Variants in COBLL1 observed in about 807,000 individuals in gnomAD.
COBLL1 encodes the protein cordon-bleu WH2 repeat protein like 1.
Under a neutral mutation model 94.8 loss-of-function variants are expected in COBLL1, and 50 were observed. The ratio of observed to expected loss-of-function variants is 0.53; its 90% CI spans 0.42 to 0.67. The LOEUF (loss-of-function observed/expected upper bound fraction) is 0.67. Among genes scored for constraint, COBLL1 ranks in the 30% least tolerant of loss-of-function variants. COBLL1 has a pLI of 0.00. For missense variants in COBLL1, 1,362 were observed against 1,348.7 expected (o/e 1.01, Z -0.15); for synonymous variants, 448 against 473.8 (o/e 0.95, Z 0.71).
chr2:164,659,853 T>G (rs1053372358), intron 2 of COBLL1, among the ~76,000 whole-genome samples: 1 of 152,144 alleles, frequency 6.6e-6, no homozygotes, highest in Non-Finnish European at 1.5e-5. Flanking sequence ...TGCAAGGGCA[T>G]GGTATCCCAC....
chr2:164,732,371 G>A (rs985255389), intron 3 of COBLL1, among the ~76,000 whole-genome samples: 6 of 152,146 alleles, frequency 3.9e-5, no homozygotes, highest in African/African-American at 1.2e-4. Flanking sequence ...ATTTCATCCA[G>A]AGAGAGACTA....
At chr2:164,727,468 TTGA>T (rs1685771639) in intron 5 of COBLL1, among the ~76,000 whole-genome samples, 1 of 152,076 alleles carries the variant, frequency 6.6e-6, no homozygotes, top group Non-Finnish European at 1.5e-5. Context: ...CAAAAATTTT[TTGA>T]ATTAGACTGA....
intron 2 of COBLL1, among the ~76,000 whole-genome samples, chr2:164,660,720 C>T (rs1241156177): frequency 6.6e-6 from 1 of 152,176 alleles, no homozygotes; most frequent in Non-Finnish European, 1.5e-5. Flanking sequence ...CAGCAGACAT[C>T]TAATTTTAAG....
intron 2 of COBLL1, among the ~76,000 whole-genome samples, chr2:164,798,174 T>TA (rs1057022233): frequency 3.3e-5 from 5 of 152,216 alleles, no homozygotes; most frequent in Non-Finnish European, 7.3e-5. Context: ...CAGTGAATTT[T>TA]AAAAAAATCT....
At chr2:164,689,722 C>A (rs1683492958) in intron 13 of COBLL1, among the ~76,000 whole-genome samples, 1 of 152,014 alleles carries the variant, frequency 6.6e-6, no homozygotes, top group Non-Finnish European at 1.5e-5. Context: ...TAGATTTTAG[C>A]CTTATTTTGA....
intron 2 of COBLL1, among the ~76,000 whole-genome samples, chr2:164,767,512 G>C (rs931650886): frequency 6.8e-5 from 10 of 146,202 alleles, no homozygotes; most frequent in Non-Finnish European, 1.2e-4. Flanking sequence ...CTTTGATGTA[G>C]AGTGAAAGCT....
chr2:164,686,341 A>G (rs1683285601), intron 13 of COBLL1, among the ~76,000 whole-genome samples: 1 of 152,190 alleles, frequency 6.6e-6, no homozygotes. Flanking sequence ...GAGCATTTTT[A>G]GCTAGATTAA....
chr2:164,789,572 G>A (rs1683074959), intron 2 of COBLL1, among the ~76,000 whole-genome samples: 1 of 152,072 alleles, frequency 6.6e-6, no homozygotes, highest in Non-Finnish European at 1.5e-5. Flanking sequence ...TGGCATAGAG[G>A]GGGAGCTCAG....
intron 2 of COBLL1, among the ~76,000 whole-genome samples, chr2:164,762,696 C>CTTTTT (rs71028440): frequency 7.5e-6 from 1 of 132,758 alleles, no homozygotes; most frequent in Non-Finnish European, 1.6e-5. Flanking sequence ...GCCTATCATC[C>CTTTTT]TTTTTTTTTT....
intron 2 of COBLL1, among the ~76,000 whole-genome samples, chr2:164,745,152 T>G (rs1686801356): frequency 6.6e-6 from 1 of 152,096 alleles, no homozygotes; most frequent in Non-Finnish European, 1.5e-5. Context: ...ATATATAACA[T>G]CCACCTATTC....
rs1413726208 is a variant in COBLL1, at chr2:164,733,331, CT to C, written c.231-3217del. ...CTATTCCCTCAGTCATTTTATTTATCTAGAAACTTTACACACTATATCAGAT... is the reference window on the plus strand; with the variant it reads ...CTATTCCCTCAGTCATTTTATTTATCAGAAACTTTACACACTATATCAGAT... On this transcript the variant is annotated intron_variant, in intron 3 of 13. Transcript: ENST00000652658. Among the ~76,000 whole-genome samples, 3 of 152,072 alleles carry C rather than the reference CT, an allele frequency of 2.0e-5. No individual in the cohort carries two copies. The South Asian group carries it at 6.3e-4, about 32-fold the overall frequency.
chr2:164,695,691 T>C lies in COBLL1; in HGVS notation c.1701A>G (p.Ala567=), dbSNP rs751788114. The change falls in exon 12 of 14, where the codon GCA becomes GCG. Residue 567 remains alanine (A), a synonymous_variant. Coordinates refer to ENST00000652658, the MANE Select transcript of COBLL1 (RefSeq NM_001365672.2). ...AACTTATAGCAGTATCAGTTTCATG[T>C]GCCTCAGAGTTTGATGGTCTCTCAA... ...MEVERPSNSE[A]HETDTAISYK... 1.9e-6 allele frequency: 3 copies of C among 1,613,956 alleles called. No homozygotes were observed. In the Admixed American group the frequency reaches 5.0e-5, roughly 27 times the overall value.
intron 2 of COBLL1, among the ~76,000 whole-genome samples, chr2:164,826,212 G>C (rs1382347804): frequency 6.6e-6 from 1 of 152,206 alleles, no homozygotes; most frequent in African/African-American, 2.4e-5. Flanking sequence ...CCTAATCTCA[G>C]TGGGGGCATT....
chr2:164,760,667 G>T (rs1009603566), intron 2 of COBLL1, among the ~76,000 whole-genome samples: 4 of 151,994 alleles, frequency 2.6e-5, no homozygotes, highest in African/African-American at 9.7e-5. Flanking sequence ...TATTATTGGG[G>T]GAAAGCTAGA....
intron 2 of COBLL1, among the ~76,000 whole-genome samples, chr2:164,781,076 T>C (rs945582945): frequency 6.6e-6 from 1 of 152,226 alleles, no homozygotes; most frequent in Non-Finnish European, 1.5e-5. Context: ...AGTTTCATAA[T>C]GTTGCACTGT....
At chr2:164,733,617 T>A (rs747628743) in intron 3 of COBLL1, among the ~76,000 whole-genome samples, 2 of 152,236 alleles carry the variant, frequency 1.3e-5, no homozygotes, top group Non-Finnish European at 2.9e-5. Context: ...ACTACATATG[T>A]GAATTTAATA....
chr2:164,773,184 C>T (rs75077690), intron 2 of COBLL1, among the ~76,000 whole-genome samples: 5 of 127,464 alleles, frequency 3.9e-5, no homozygotes, highest in East Asian at 4.0e-4. Context: ...GTCCAGTACC[C>T]GAAGAAAATA....
At chr2:164,837,693 T>A (rs958937462) in intron 2 of COBLL1, among the ~76,000 whole-genome samples, 3 of 139,056 alleles carry the variant, frequency 2.2e-5, no homozygotes, top group Non-Finnish European at 3.1e-5. Context: ...AAATATGTAA[T>A]TATATATGAA....
At chr2:164,746,986 C>A (rs1686889896) in intron 2 of COBLL1, among the ~76,000 whole-genome samples, 2 of 152,160 alleles carry the variant, frequency 1.3e-5, no homozygotes, top group Admixed American at 1.3e-4. Flanking sequence ...CTTGTCTCTA[C>A]CACCTTGTCC....
Sources: gnomAD v4.1 joint callset for allele counts (sites outside exome capture counted in the v4.1 genomes callset) on GRCh38, gnomAD v4.1.1 for gene constraint, MANE v1.5 for transcripts, NCBI Gene and HGNC (gene_info 2026-07-23, HGNC 2026-07-21) for gene names.